Variants in TNPO3 observed in about 807,000 individuals in gnomAD.
TNPO3 encodes the protein transportin 3.
A neutral mutation model predicts 122.8 loss-of-function variants in TNPO3; 65 were observed. The ratio of observed to expected loss-of-function variants is 0.53; its 90% CI spans 0.43 to 0.65. The LOEUF (loss-of-function observed/expected upper bound fraction) is 0.65, where lower values mean the gene tolerates loss of function less well. TNPO3 is among the 30% of genes least tolerant of loss of function. TNPO3 has a pLI of 0.00. For missense variants in TNPO3, 850 were observed against 1,136.7 expected, an observed-to-expected ratio of 0.75 and a Z score of 3.63; for synonymous variants, 372 against 411.2, an observed-to-expected ratio of 0.90 and a Z score of 1.15.
intron 8 of TNPO3, among the ~76,000 whole-genome samples, chr7:128,997,012 A>C (rs181458300): frequency 4.6e-5 from 7 of 151,926 alleles, no homozygotes; most frequent in Admixed American, 1.3e-4. Context: ...GTTTAGCTGG[A>C]GTGTTTTGCT....
intron 19 of TNPO3, among the ~76,000 whole-genome samples, chr7:128,972,129 G>T (rs1382774963): frequency 6.6e-6 from 1 of 152,166 alleles, no homozygotes; most frequent in Non-Finnish European, 1.5e-5. Context: ...AAAAACAAAT[G>T]AAAAACACCA....
At chr7:129,012,010 T>C (rs1290276391) in intron 4 of TNPO3, among the ~76,000 whole-genome samples, 9 of 147,048 alleles carry the variant, frequency 6.1e-5, no homozygotes, top group East Asian at 1.9e-4. Flanking sequence ...TTTCTTTTTT[T>C]TTTTTTTTTT....
intron 1 of TNPO3, among the ~76,000 whole-genome samples, chr7:129,035,610 C>T (rs1292752816): frequency 5.9e-5 from 9 of 151,560 alleles, no homozygotes; most frequent in Non-Finnish European, 1.2e-4. Flanking sequence ...AGCGAGACCA[C>T]GTCGGGGGGA....
upstream of TNPO3, chr7:129,055,225 A>G (rs2242029): frequency 0.78 from 124,387 of 158,500 alleles, 49,406 homozygotes; most frequent in Middle Eastern, 0.88. Context: ...TCCCGGAAGT[A>G]ACCCTGCCGG....
Position 129,042,619 on chromosome 7 carries a change from A to T in TNPO3, c.120+12032T>A, listed in dbSNP as rs1317227733. 2.0e-5 allele frequency among the ~76,000 whole-genome samples: 3 copies of T among 152,296 alleles called. No homozygotes were observed. The East Asian group carries it at 5.8e-4, about 29-fold the overall frequency. ...TATGAGAATTTTACAAAACGAGATA[A>T]ATTGCTAGATTTGTTACAACAAATT... On this transcript the variant is annotated intron_variant, in intron 1 of 22. Transcript: ENST00000265388.
intron 12 of TNPO3, among the ~76,000 whole-genome samples, chr7:128,985,129 G>C (rs1022288429): frequency 6.6e-6 from 1 of 152,078 alleles, no homozygotes; most frequent in Admixed American, 6.6e-5. Flanking sequence ...TCATTCAACA[G>C]AACAGTAATT....
At chr7:128,973,767 ACAGAGGGTGACAGCCCATCC>A in intron 18 of TNPO3, among the ~76,000 whole-genome samples, 1 of 143,418 alleles carries the variant, frequency 7.0e-6, no homozygotes, top group Non-Finnish European at 1.5e-5. Context: ...AAAAAAGAAA[ACAGAGGGTGACAGCCCATCC>A]AACAATTCTA....
Position 128,961,579 on chromosome 7 carries a change from G to A in TNPO3, c.2712-4264C>T, listed in dbSNP as rs144041332. On this transcript the variant is annotated intron_variant, in intron 21 of 22. Coordinates refer to ENST00000265388, the MANE Select transcript of TNPO3 (RefSeq NM_012470.4). Reference sequence around the variant, plus strand: ...TATTTTCTGTCTCGGTCCTTCTGACGTTTGATATTTCTTAGCTTTCTATTT... The same window carrying A: ...TATTTTCTGTCTCGGTCCTTCTGACATTTGATATTTCTTAGCTTTCTATTT... Among the ~76,000 whole-genome samples the A allele has an allele frequency of 7.3e-4, 111 of 152,218 alleles. 1 individual carries two copies. Among genetic ancestry groups the A allele is most frequent in the Non-Finnish European group, 1.3e-3 (85 of 67,992 alleles).
Position 128,955,272 on chromosome 7 carries a change from C to T in TNPO3, c.*145G>A. On this transcript the variant is annotated 3_prime_UTR_variant, in exon 23 of 23. Transcript: ENST00000265388. ...TCAGAAGGCTGGAGTCTCTCCCTGT[C>T]TGGCGGGACACCCTGGTGGCGGTGA... The T allele has an allele frequency of 2.2e-6, 1 of 454,508 alleles. No individual in the cohort carries two copies. The highest frequency in any genetic ancestry group is 1.6e-5 in the South Asian group (1 of 64,470). The allele number at this position is 454,508 out of a possible 1,614,324, so 28.2% of individuals were successfully genotyped here.
At chr7:129,018,217 T>G in intron 1 of TNPO3, 60 bp from the exon 2 acceptor site, 8 of 1,512,550 alleles carry the variant, frequency 5.3e-6, no homozygotes, top group Middle Eastern at 3.4e-4. Flanking sequence ...TTTAATGACA[T>G]AACCTCAATA....
At chr7:129,014,392 G>A (rs550468727) in intron 4 of TNPO3, among the ~76,000 whole-genome samples, 15 of 152,142 alleles carry the variant, frequency 9.9e-5, no homozygotes, top group African/African-American at 3.4e-4. Context: ...GCATGGTGGC[G>A]CACACCTGTA....
upstream of TNPO3, chr7:129,056,134 A>G (rs1809433757): frequency 2.0e-6 from 2 of 1,021,362 alleles, no homozygotes; most frequent in Non-Finnish European, 3.1e-6. Context: ...GCCGACACCA[A>G]GGTGATTTGT....
At chr7:129,040,996 G>T (rs935766629) in intron 1 of TNPO3, among the ~76,000 whole-genome samples, 1 of 152,134 alleles carries the variant, frequency 6.6e-6, no homozygotes, top group African/African-American at 2.4e-5. Context: ...AAAATCACCC[G>T]TGATGACATT....
At chr7:128,990,332 T>C (rs1800623984) in intron 10 of TNPO3, 2 of 620,928 alleles carry the variant, frequency 3.2e-6, no homozygotes, top group Non-Finnish European at 5.7e-6. Flanking sequence ...ATCTTCTGAA[T>C]GCCAGTAAAG....
intron 1 of TNPO3, 48 bp from the exon 2 acceptor site, chr7:129,018,205 AT>A: frequency 6.3e-7 from 1 of 1,575,340 alleles, no homozygotes; most frequent in Non-Finnish European, 8.7e-7. Flanking sequence ...TACTTTTCTA[AT>A]TTTAATGACA....
intron 21 of TNPO3, among the ~76,000 whole-genome samples, chr7:128,962,407 A>T (rs1797556955): frequency 6.6e-6 from 1 of 151,044 alleles, no homozygotes; most frequent in Non-Finnish European, 1.5e-5. Flanking sequence ...GGAATTAATT[A>T]CCAGTACCAT....
At chr7:129,015,888 G>T (rs1040728919) in intron 3 of TNPO3, among the ~76,000 whole-genome samples, 3 of 151,770 alleles carry the variant, frequency 2.0e-5, no homozygotes, top group Non-Finnish European at 4.4e-5. Context: ...CACTTTGAAG[G>T]TTTCCATACT....
upstream of TNPO3, chr7:129,056,188 C>T: frequency 1.1e-6 from 1 of 871,720 alleles, no homozygotes; most frequent in Non-Finnish European, 2.0e-6. Flanking sequence ...CAGAAGCTAG[C>T]TCCCAAGATT....
chr7:129,001,030 C>G (rs760774782), intron 6 of TNPO3, 29 bp downstream of exon 6: 13 of 1,607,202 alleles, frequency 8.1e-6, no homozygotes, highest in Non-Finnish European at 8.5e-7. Flanking sequence ...TAGGTAAACC[C>G]AGGGCTCCAG....
Sources: gnomAD v4.1 joint callset for allele counts (sites outside exome capture counted in the v4.1 genomes callset) on GRCh38, gnomAD v4.1.1 for gene constraint, MANE v1.5 for transcripts, NCBI Gene and HGNC (gene_info 2026-07-23, HGNC 2026-07-21) for gene names.